CATSPERE: variants seen among roughly 807,000 people sequenced by gnomAD.
The protein encoded by CATSPERE is catsper channel auxiliary subunit epsilon.
A neutral mutation model predicts 114.1 loss-of-function variants in CATSPERE; 93 were observed. That is an observed-to-expected ratio of 0.81 (90% CI 0.69 to 0.97). The LOEUF (loss-of-function observed/expected upper bound fraction) is 0.97. Ranked by LOEUF, CATSPERE falls within the 50% of genes least tolerant of loss-of-function variation. The pLI is 0.00. For synonymous variants in CATSPERE, 341 were observed against 384.1 expected (o/e 0.89, Z 1.31); for missense variants, 1,058 against 1,131.6 (o/e 0.93, Z 0.93).
intron 7 of CATSPERE, among the ~76,000 whole-genome samples, chr1:244,514,032 C>T (rs1479646360): frequency 6.6e-6 from 1 of 152,172 alleles, no homozygotes; most frequent in Non-Finnish European, 1.5e-5. Flanking sequence ...CTATTTTCTT[C>T]TATCCTGTGG....
Position 244,499,208 on chromosome 1 carries a change from G to C in CATSPERE, c.429+129G>C, listed in dbSNP as rs112627966. On this transcript the variant is annotated intron_variant, in intron 7 of 21. Coordinates refer to ENST00000366534, the MANE Select transcript of CATSPERE (RefSeq NM_001130957.2). ...CACACCTAACTAAATACATTTGCAT[G>C]ATCCCTTTTAGTTTAGCCATTATAG... 1.0e-3 allele frequency: 586 copies of C among 564,006 alleles called. 7 individuals carry two copies. The highest frequency in any genetic ancestry group is 0.01 in the African/African-American group (528 of 52,628). The allele number at this position is 564,006 out of a possible 1,614,324, so 34.9% of individuals were successfully genotyped here.
intron 7 of CATSPERE, among the ~76,000 whole-genome samples, chr1:244,506,167 C>G (rs1674786826): frequency 6.6e-6 from 1 of 152,156 alleles, no homozygotes; most frequent in South Asian, 2.1e-4. Context: ...ACTTAGTTCA[C>G]TTAGCATAAT....
intron 7 of CATSPERE, among the ~76,000 whole-genome samples, chr1:244,518,199 A>G (rs3003275): frequency 0.14 from 20,963 of 152,156 alleles, 2,612 homozygotes; most frequent in African/African-American, 0.33. Flanking sequence ...TTTGAAACCT[A>G]CCTTGAAAGA....
intron 8 of CATSPERE, among the ~76,000 whole-genome samples, chr1:244,543,688 G>A (rs1034300448): frequency 4.7e-5 from 7 of 148,790 alleles, no homozygotes; most frequent in Non-Finnish European, 1.0e-4. Flanking sequence ...ATAGTAATAT[G>A]GTAGGAACTC....
chr1:244,567,243 G>T (rs971922611), intron 10 of CATSPERE, among the ~76,000 whole-genome samples: 1 of 152,268 alleles, frequency 6.6e-6, no homozygotes, highest in South Asian at 2.1e-4. Flanking sequence ...TTCTTTTTGT[G>T]GGTAACCCAA....
intron 8 of CATSPERE, among the ~76,000 whole-genome samples, chr1:244,540,023 T>A (rs1572645648): frequency 6.6e-6 from 1 of 151,568 alleles, no homozygotes; most frequent in Admixed American, 6.6e-5. Flanking sequence ...TAATAAGAGC[T>A]ATCTATGACA....
At chr1:244,459,252 T>C (rs961441887), upstream of CATSPERE, among the ~76,000 whole-genome samples, 16 of 152,176 alleles carry the variant, frequency 1.1e-4, no homozygotes, top group East Asian at 3.1e-3. Context: ...CTAATTTTTG[T>C]ATTTTTAGTA....
chr1:244,597,018 C>G (rs751112073), intron 17 of CATSPERE, among the ~76,000 whole-genome samples: 4 of 152,078 alleles, frequency 2.6e-5, no homozygotes, highest in Non-Finnish European at 5.9e-5. Context: ...AGGCCTGTCC[C>G]TCCATTTGTA....
intron 15 of CATSPERE, among the ~76,000 whole-genome samples, chr1:244,592,981 A>T (rs778959433): frequency 1.2e-3 from 105 of 90,684 alleles, no homozygotes; most frequent in Non-Finnish European, 3.2e-3. Context: ...AGAAATCTAA[A>T]TTAGGAAACA....
chr1:244,556,166 C>G (rs1197625991), intron 9 of CATSPERE, among the ~76,000 whole-genome samples: 2 of 152,102 alleles, frequency 1.3e-5, no homozygotes, highest in Non-Finnish European at 2.9e-5. Context: ...CCATTACACT[C>G]TAGCTTGGGT....
chr1:244,484,278 G>A (rs1322581544), intron 5 of CATSPERE, among the ~76,000 whole-genome samples: 1 of 152,072 alleles, frequency 6.6e-6, no homozygotes, highest in Non-Finnish European at 1.5e-5. Flanking sequence ...TACATTCAAT[G>A]CAATCCCAAT....
intron 20 of CATSPERE, among the ~76,000 whole-genome samples, chr1:244,627,751 T>C (rs1056064146): frequency 2.0e-5 from 3 of 152,246 alleles, no homozygotes; most frequent in African/African-American, 4.8e-5. Flanking sequence ...AAGGTTTACC[T>C]GCATGCTATT....
At chr1:244,487,062 G>A (rs1294055036) in intron 5 of CATSPERE, among the ~76,000 whole-genome samples, 1 of 151,450 alleles carries the variant, frequency 6.6e-6, no homozygotes, top group African/African-American at 2.4e-5. Context: ...GTCACCTGGT[G>A]GGTGGTTCAG....
Position 244,575,720 on chromosome 1 carries a change from C to T in CATSPERE, c.1950+2948C>T, listed in dbSNP as rs1474467776. ...TGGTCTTTCCCTTGCCTCTGCCAGC[C>T]GCCTACGCTGCTGTTCTCCCCTCTC... is the stretch of plus-strand genomic sequence containing the variant. On this transcript the variant is annotated intron_variant, in intron 11 of 21. Coordinates refer to ENST00000366534, the MANE Select transcript of CATSPERE (RefSeq NM_001130957.2). The surrounding 1 kb of genome is among the most constrained non-coding windows in gnomAD (Gnocchi z 4.5). 6.6e-6 allele frequency among the ~76,000 whole-genome samples: 1 copy of T among 152,048 alleles called. No individual in the cohort carries two copies. The highest frequency in any genetic ancestry group is 1.5e-5 in the Non-Finnish European group (1 of 67,998).
intron 8 of CATSPERE, among the ~76,000 whole-genome samples, chr1:244,545,125 G>T (rs1487378820): frequency 6.6e-6 from 1 of 152,098 alleles, no homozygotes; most frequent in Non-Finnish European, 1.5e-5. Context: ...TAGATATATC[G>T]GTAGGACATT....
chr1:244,454,043 C>T (rs933268723), upstream of CATSPERE, among the ~76,000 whole-genome samples: 1 of 152,184 alleles, frequency 6.6e-6, no homozygotes, highest in Non-Finnish European at 1.5e-5. Context: ...TGATTGGGAA[C>T]GCCTTCTGTC....
chr1:244,463,060 A>C (rs1405808972), intron 1 of CATSPERE, among the ~76,000 whole-genome samples: 1 of 152,210 alleles, frequency 6.6e-6, no homozygotes, highest in Admixed American at 6.5e-5. Context: ...TGTAATGTAC[A>C]CACCAGATTT....
intron 2 of CATSPERE, among the ~76,000 whole-genome samples, chr1:244,475,713 T>C (rs1352563188): frequency 6.6e-6 from 1 of 151,596 alleles, no homozygotes. Flanking sequence ...ATTTTTGTAT[T>C]TTTAGTAGAG....
In CATSPERE at chr1:244,507,356, G is replaced by A. The variant is rs143085731; in HGVS notation, c.429+8277G>A. ...TACTGTTTTCCATAGGAGTTGTACC[G>A]ATTTACATTCCTACCAACAGCATAT... On this transcript the variant is annotated intron_variant, in intron 7 of 21. Transcript: ENST00000366534. Among the ~76,000 whole-genome samples, 420 of 152,124 alleles carry A rather than the reference G, an allele frequency of 2.8e-3. 1 individual carries two copies. Among genetic ancestry groups the A allele is most frequent in the Non-Finnish European group, 4.1e-3 (280 of 67,984 alleles).
Sources: gnomAD v4.1 joint callset for allele counts (sites outside exome capture counted in the v4.1 genomes callset) on GRCh38, gnomAD v4.1.1 for gene constraint, Gnocchi (gnomAD v3.1) non-coding constraint, MANE v1.5 for transcripts, NCBI Gene and HGNC (gene_info 2026-07-23, HGNC 2026-07-21) for gene names.